Variants in BUD13 observed in about 807,000 individuals in gnomAD.
BUD13 encodes BUD13 homolog.
A neutral mutation model predicts 62.5 loss-of-function variants in BUD13; 47 were observed. The observed-to-expected ratio is 0.75, with a 90% CI of 0.60 to 0.96. BUD13 has a LOEUF of 0.96. Among genes scored for constraint, BUD13 ranks in the 40% least tolerant of loss-of-function variants. The pLI, the probability that BUD13 is intolerant of heterozygous loss-of-function variation, is 0.00. For synonymous variants in BUD13, 293 were observed against 280.1 expected (o/e 1.05, Z -0.46); for missense variants, 821 against 790.9 (o/e 1.04, Z -0.46).
At chr11:116,768,840 A>C (rs1409495760) in intron 2 of BUD13, among the ~76,000 whole-genome samples, 4 of 151,704 alleles carry the variant, frequency 2.6e-5, no homozygotes, top group African/African-American at 9.7e-5. Flanking sequence ...TGTCTCTACT[A>C]AAAATACAAA....
At position 116,759,108 on chromosome 11, in the gene BUD13, G is replaced by C; in HGVS notation, c.1326C>G (p.Leu442=). 1.2e-6 allele frequency: 2 copies of C among 1,613,248 alleles called. No individual in the cohort carries two copies. Among genetic ancestry groups the C allele is most frequent in the Non-Finnish European group, 1.7e-6 (2 of 1,179,930 alleles). Residue 442 remains leucine, a synonymous_variant, in exon 6 of 10, where the codon CTC becomes CTG. Coordinates refer to ENST00000260210, the MANE Select transcript of BUD13 (RefSeq NM_032725.4). ...CCATGGTTTCTTGATCCTGTTCCTT[G>C]AGCTCCTGCTGTTCTCGCTGTATGT... ...LTDIQREQQE[L]KEQDQETMAF...
At chr11:116,766,056 A>G (rs2134182719) in intron 2 of BUD13, among the ~76,000 whole-genome samples, 1 of 152,354 alleles carries the variant, frequency 6.6e-6, no homozygotes, top group East Asian at 1.9e-4. Context: ...CAAGGAACTC[A>G]TTATCTTACA....
intron 9 of BUD13, among the ~76,000 whole-genome samples, chr11:116,751,698 C>T (rs962306336): frequency 2.6e-5 from 4 of 152,048 alleles, no homozygotes; most frequent in African/African-American, 9.7e-5. Context: ...GGATGGTATT[C>T]CAAAGCACCA....
chr11:116,762,354 G>A (rs896609896), intron 4 of BUD13, among the ~76,000 whole-genome samples, 199 bp downstream of exon 4: 19 of 152,082 alleles, frequency 1.2e-4, no homozygotes, highest in Non-Finnish European at 2.1e-4. Context: ...TTTTATATGG[G>A]GTGGAGCGAG....
chr11:116,765,535 G>T (rs926516074), intron 2 of BUD13, 89 bp from the exon 3 acceptor site: 1 of 1,391,388 alleles, frequency 7.2e-7, no homozygotes, highest in South Asian at 1.2e-5. Context: ...CAACCATTCC[G>T]ATTCCTAACA....
intron 5 of BUD13, 71 bp downstream of exon 5, chr11:116,760,664 T>C (rs1194055932): frequency 6.7e-7 from 1 of 1,490,604 alleles, no homozygotes; most frequent in Non-Finnish European, 9.3e-7. Context: ...GGCTTGATTC[T>C]CTGGGACATA....
intron 2 of BUD13, among the ~76,000 whole-genome samples, chr11:116,767,975 AAATAATAATAATAATAATAATAATAAT>A (rs57099961): frequency 1.4e-5 from 2 of 143,680 alleles, no homozygotes; most frequent in African/African-American, 5.1e-5. Flanking sequence ...CCTGTCTCAA[AAATAATAATAATAATAATAATAATAAT>A]AATAATAATA....
intron 2 of BUD13, among the ~76,000 whole-genome samples, chr11:116,768,524 A>T (rs1940569634): frequency 6.6e-6 from 1 of 152,218 alleles, no homozygotes; most frequent in Non-Finnish European, 1.5e-5. Flanking sequence ...TCTTTTAAAA[A>T]CTTTAAACTT....
At chr11:116,758,549 CAT>C in intron 6 of BUD13, 142 bp from the exon 7 acceptor site, 5 of 740,628 alleles carry the variant, frequency 6.8e-6, no homozygotes, top group Non-Finnish European at 1.0e-5. Flanking sequence ...CATCTTGGTG[CAT>C]ATTGGCACTG....
intron 9 of BUD13, among the ~76,000 whole-genome samples, chr11:116,750,738 T>C (rs954090275): frequency 2.6e-5 from 4 of 152,262 alleles, no homozygotes; most frequent in African/African-American, 9.6e-5. Context: ...ATAATGGATT[T>C]GTCTATCTAA....
Position 116,772,940 on chromosome 11 carries a change from T to C in BUD13, c.25A>G (p.Lys9Glu). The C allele has an allele frequency of 6.3e-7, 1 of 1,575,398 alleles. No homozygotes were observed. Among genetic ancestry groups the C allele is most frequent in the Non-Finnish European group, 8.6e-7 (1 of 1,159,976 alleles). ...AAGTAACGCTTCAGATACTCGGCCT[T>C]GGAAAGCGGCGGAGCTGCCGCCATG... is the stretch of plus-strand genomic sequence containing the variant. Reference protein sequence around the residue: MAAAPPLSKAEYLKRYLSG... With the variant: MAAAPPLSEAEYLKRYLSG... The change falls in exon 1 of 10, where the codon AAG becomes GAG. Residue 9 changes from lysine (K) to glutamate (E), a missense_variant. By Grantham distance (56) the Lys-to-Glu change is moderately conservative. Around this residue, in one of 2 missense-constraint regions of BUD13, gnomAD observed 800 missense variants for 739.2 expected, o/e 1.08. Coordinates refer to ENST00000260210, the MANE Select transcript of BUD13 (RefSeq NM_032725.4).
chr11:116,756,798 T>G (rs938381324), intron 9 of BUD13, among the ~76,000 whole-genome samples: 1 of 152,150 alleles, frequency 6.6e-6, no homozygotes, highest in Non-Finnish European at 1.5e-5. Flanking sequence ...GAGGCTACAT[T>G]TTAAAGATAT....
intron 9 of BUD13, among the ~76,000 whole-genome samples, chr11:116,750,718 T>A (rs1271949720): frequency 6.6e-6 from 1 of 152,222 alleles, no homozygotes; most frequent in Non-Finnish European, 1.5e-5. Context: ...AAATCCTTCA[T>A]ATTACTGCTA....
chr11:116,761,462 T>C (rs1428925989), intron 4 of BUD13, among the ~76,000 whole-genome samples: 1 of 152,202 alleles, frequency 6.6e-6, no homozygotes, highest in Non-Finnish European at 1.5e-5. Flanking sequence ...AACATAAGTA[T>C]GGATGGCACA....
rs1231379070 is a variant in BUD13 at position 116,759,174 on chromosome 11, T to A, written c.1260A>T (p.Ala420=). 1 of 1,613,198 alleles carries A rather than the reference T, an allele frequency of 6.2e-7. No individual in the cohort carries two copies. The highest frequency in any genetic ancestry group is 8.5e-7 in the Non-Finnish European group (1 of 1,179,154). ...RRSQPPGKKA[A]HMYSGAKTGL... The stretch of plus-strand genomic sequence containing the variant: ...CAGTTTTAGCCCCAGAATACATGTG[T>A]GCAGCCTATGCAACGGAAAAGGGAG... Residue 420 remains alanine (A), a synonymous_variant, in exon 6 of 10, where the codon GCA becomes GCT. Coordinates refer to ENST00000260210, the MANE Select transcript of BUD13 (RefSeq NM_032725.4).
intron 2 of BUD13, among the ~76,000 whole-genome samples, chr11:116,766,860 G>C (rs1565315578): frequency 6.6e-6 from 1 of 152,158 alleles, no homozygotes; most frequent in African/African-American, 2.4e-5. Flanking sequence ...CCTTTGTTTA[G>C]GTTTTTGGGC....
intron 4 of BUD13, among the ~76,000 whole-genome samples, chr11:116,762,350 A>G (rs1477262719): frequency 6.6e-6 from 1 of 152,232 alleles, no homozygotes; most frequent in African/African-American, 2.4e-5. Context: ...GTACTTTTAT[A>G]TGGGGTGGAG....
chr11:116,758,052 G>T (rs1184456968), intron 7 of BUD13, 102 bp from the exon 8 acceptor site: 2 of 1,479,098 alleles, frequency 1.4e-6, no homozygotes, highest in East Asian at 4.5e-5. Context: ...CCTCTTTCTA[G>T]TACCCTAGGG....
At chr11:116,772,051 T>C (rs1035817675) in intron 1 of BUD13, among the ~76,000 whole-genome samples, 9 of 152,092 alleles carry the variant, frequency 5.9e-5, no homozygotes, top group Non-Finnish European at 1.3e-4. Context: ...TCGTTTTTCC[T>C]TTGTTGCTGT....
Sources: allele counts gnomAD v4.1 joint callset (sites outside exome capture counted in the v4.1 genomes callset), GRCh38; gene constraint gnomAD v4.1.1; regional missense constraint gnomAD v4.1.1; transcripts MANE v1.5; gene names NCBI Gene and HGNC (gene_info 2026-07-23, HGNC 2026-07-21).